The following ADGRL2 variants were observed in gnomAD, a reference collection of about 807,000 sequenced individuals.
The protein encoded by ADGRL2 is calcium-independent alpha-latrotoxin receptor 2.
ADGRL2 carries 44 observed loss-of-function variants against 157.4 expected under a neutral mutation model. The observed-to-expected ratio is 0.28, with a 90% CI of 0.22 to 0.36. ADGRL2 has a LOEUF of 0.36. Among genes scored for constraint, ADGRL2 ranks in the 10% least tolerant of loss-of-function variants. ADGRL2 has a pLI of 1.00. For synonymous variants in ADGRL2, 585 were observed against 624.7 expected, an observed-to-expected ratio of 0.94 and a Z score of 0.95; for missense variants, 1,510 against 1,768.9, an observed-to-expected ratio of 0.85 and a Z score of 2.63.
intron 2 of ADGRL2, among the ~76,000 whole-genome samples, chr1:81,451,474 A>AT (rs540545722): frequency 4.3e-4 from 65 of 152,250 alleles, no homozygotes; most frequent in Admixed American, 3.9e-4. Flanking sequence ...CATTGCTAAC[A>AT]TTTTTTTGTA....
At chr1:81,330,476 A>G (rs570403138) in intron 1 of ADGRL2, among the ~76,000 whole-genome samples, 30 of 152,182 alleles carry the variant, frequency 2.0e-4, no homozygotes, top group Non-Finnish European at 4.0e-4. Flanking sequence ...TTCTCTAACT[A>G]CAATCCAAAA....
At chr1:81,559,132 G>T (rs1417068298) in intron 2 of ADGRL2, among the ~76,000 whole-genome samples, 1 of 152,052 alleles carries the variant, frequency 6.6e-6, no homozygotes, top group Non-Finnish European at 1.5e-5. Context: ...GGTGGGCTTT[G>T]GAGTCAGAAA....
chr1:81,782,437 A>T (rs2086855035), intron 2 of ADGRL2, among the ~76,000 whole-genome samples: 1 of 152,206 alleles, frequency 6.6e-6, no homozygotes, highest in Non-Finnish European at 1.5e-5. Flanking sequence ...AGTAAAATGG[A>T]TATACTTTAA....
rs140953852 is a variant in ADGRL2, at chr1:81,437,785, G to T, written c.-301-7251G>T. On this transcript the variant is annotated intron_variant, in intron 1 of 24. Transcript: ENST00000370721. ...TGAACATTCTATTTTAGGGTCCAGT[G>T]GTTTTCCTAAAGAGGAGGTTGCATG... 2.4e-3 allele frequency among the ~76,000 whole-genome samples: 359 copies of T among 152,272 alleles called. 3 individuals are homozygous for T. The highest frequency in any genetic ancestry group is 8.3e-3 in the African/African-American group (345 of 41,558).
At chr1:81,916,263 T>A (rs1174646968) in intron 3 of ADGRL2, among the ~76,000 whole-genome samples, 1 of 152,158 alleles carries the variant, frequency 6.6e-6, no homozygotes, top group African/African-American at 2.4e-5. Context: ...ACTTTGTTGT[T>A]CCTAAGTATG....
intron 3 of ADGRL2, 143 bp downstream of exon 3, chr1:81,907,373 A>T: frequency 1.6e-6 from 1 of 629,104 alleles, no homozygotes; most frequent in Non-Finnish European, 2.8e-6. Context: ...ACTAATGTTG[A>T]TATCTACACT....
At chr1:81,927,984 T>G (rs1391824938) in intron 3 of ADGRL2, among the ~76,000 whole-genome samples, 1 of 152,068 alleles carries the variant, frequency 6.6e-6, no homozygotes, top group Non-Finnish European at 1.5e-5. Flanking sequence ...TCTCTTGCAT[T>G]TGTGAGGATG....
At chr1:81,616,471 A>T (rs2081648535) in intron 3 of ADGRL2, among the ~76,000 whole-genome samples, 1 of 152,026 alleles carries the variant, frequency 6.6e-6, no homozygotes, top group Admixed American at 6.6e-5. Flanking sequence ...TTCACATTCA[A>T]CTCAGTGAGT....
At chr1:81,791,300 G>A (rs2149418672) in intron 2 of ADGRL2, among the ~76,000 whole-genome samples, 1 of 152,232 alleles carries the variant, frequency 6.6e-6, no homozygotes, top group East Asian at 1.9e-4. Flanking sequence ...ATTGCTGAGA[G>A]CTTCTCATAC....
At chr1:81,323,597 A>G (rs1402879588) in intron 1 of ADGRL2, among the ~76,000 whole-genome samples, 1 of 152,074 alleles carries the variant, frequency 6.6e-6, no homozygotes, top group Non-Finnish European at 1.5e-5. Context: ...TTTATATTCA[A>G]GAGGAGAAGA....
chr1:81,409,825 C>T (rs2076918584), intron 1 of ADGRL2, among the ~76,000 whole-genome samples: 2 of 152,236 alleles, frequency 1.3e-5, no homozygotes, highest in African/African-American at 2.4e-5. Context: ...CACCTTCCCA[C>T]TTCTGCAGGA....
At chr1:81,591,633 A>C (rs2081135255) in intron 3 of ADGRL2, among the ~76,000 whole-genome samples, 1 of 152,142 alleles carries the variant, frequency 6.6e-6, no homozygotes, top group Admixed American at 6.5e-5. Flanking sequence ...TTTGTGACTT[A>C]TGTTTAACCA....
At chr1:81,694,505 G>C (rs1390264641) in intron 3 of ADGRL2, among the ~76,000 whole-genome samples, 1 of 151,672 alleles carries the variant, frequency 6.6e-6, no homozygotes, top group African/African-American at 2.4e-5. Context: ...CCCGTACACT[G>C]TTTTTCTTTG....
intron 2 of ADGRL2, among the ~76,000 whole-genome samples, chr1:81,793,558 G>A (rs924223274): frequency 2.0e-5 from 3 of 151,978 alleles, no homozygotes; most frequent in African/African-American, 4.8e-5. Context: ...GGCAAAGACA[G>A]ACTTCCCTCA....
At chr1:81,708,753 G>C (rs1380993280) in intron 1 of ADGRL2, among the ~76,000 whole-genome samples, 1 of 151,694 alleles carries the variant, frequency 6.6e-6, no homozygotes, top group Non-Finnish European at 1.5e-5. Context: ...AGAAATCTCT[G>C]TTATGTGATC....
At chr1:81,477,004 C>T (rs2078285849) in intron 2 of ADGRL2, among the ~76,000 whole-genome samples, 1 of 152,212 alleles carries the variant, frequency 6.6e-6, no homozygotes, top group Admixed American at 6.5e-5. Context: ...GGATGTCCCA[C>T]ACATAGCTCA....
chr1:81,552,958 T>A (rs1048773868), intron 2 of ADGRL2, among the ~76,000 whole-genome samples: 1 of 152,184 alleles, frequency 6.6e-6, no homozygotes, highest in South Asian at 2.1e-4. Flanking sequence ...AAGACTTACA[T>A]TTCAATTGTT....
At chr1:81,415,647 C>A (rs1302747540) in intron 1 of ADGRL2, among the ~76,000 whole-genome samples, 1 of 152,108 alleles carries the variant, frequency 6.6e-6, no homozygotes, top group Non-Finnish European at 1.5e-5. Flanking sequence ...TACAAATACT[C>A]CCTGCGAGTA....
intron 3 of ADGRL2, among the ~76,000 whole-genome samples, chr1:81,658,904 A>T (rs188620759): frequency 3.0e-4 from 45 of 151,918 alleles, no homozygotes; most frequent in African/African-American, 1.0e-3. Context: ...GGCGCCTGAC[A>T]ACATGCCTGG....
Sources: allele counts gnomAD v4.1 joint callset (sites outside exome capture counted in the v4.1 genomes callset), GRCh38; gene constraint gnomAD v4.1.1; transcripts MANE v1.5; gene names NCBI Gene and HGNC (gene_info 2026-07-23, HGNC 2026-07-21).